VWA3A: variants seen among roughly 807,000 people sequenced by gnomAD.
VWA3A encodes von Willebrand factor A domain-containing protein 3A.
Under a neutral mutation model 160.4 loss-of-function variants are expected in VWA3A, and 134 were observed. That is an observed-to-expected ratio of 0.84 (90% CI 0.73 to 0.96). The LOEUF is 0.96. Among genes scored for constraint, VWA3A ranks in the 40% least tolerant of loss-of-function variants. The pLI, the probability that VWA3A is intolerant of heterozygous loss-of-function variation, is 0.00. For synonymous variants in VWA3A, 476 were observed against 543.4 expected (o/e 0.88, Z 1.72); for missense variants, 1,310 against 1,447.9 (o/e 0.90, Z 1.55).
At chr16:22,116,980 T>C in intron 10 of VWA3A, 113 bp downstream of exon 10, 2 of 1,405,126 alleles carry the variant, frequency 1.4e-6, no homozygotes, top group East Asian at 2.4e-5. Context: ...AGAATGCACC[T>C]GTCCCTGTGC....
rs1349481042 is a variant in VWA3A, at chr16:22,156,584, G to A, written c.*567G>A. The A allele has an allele frequency of 6.6e-6, 1 of 152,334 alleles. No individual in the cohort carries two copies. The highest frequency in any genetic ancestry group is 1.5e-5 in the Non-Finnish European group (1 of 68,164). 9.4% of individuals were successfully genotyped at this position (152,334 alleles called of 1,614,324 possible). On this transcript the variant is annotated 3_prime_UTR_variant, in exon 34 of 34. Transcript: ENST00000389398. ...CAGGATCTGCAGGTCCCCAGAAGCTGCCACATAGGAGACACATGGTGAACA... is the reference window on the plus strand; with the variant it reads ...CAGGATCTGCAGGTCCCCAGAAGCTACCACATAGGAGACACATGGTGAACA...
chr16:22,138,056 A>G (rs1334136506), intron 21 of VWA3A, among the ~76,000 whole-genome samples: 1 of 152,066 alleles, frequency 6.6e-6, no homozygotes, highest in Non-Finnish European at 1.5e-5. Flanking sequence ...TCATCTGTAA[A>G]ATGGGGAGAC....
chr16:22,097,897 T>C (rs1388560335), intron 3 of VWA3A, among the ~76,000 whole-genome samples: 1 of 152,242 alleles, frequency 6.6e-6, no homozygotes, highest in East Asian at 1.9e-4. Context: ...GTTTAGCCTA[T>C]TTGGCCATGT....
chr16:22,128,476 TTGG>T (rs2045891278), intron 17 of VWA3A, among the ~76,000 whole-genome samples: 2 of 152,120 alleles, frequency 1.3e-5, no homozygotes, highest in Non-Finnish European at 2.9e-5. Flanking sequence ...ACTTACACAC[TTGG>T]TGGGAGTGTA....
intron 2 of VWA3A, among the ~76,000 whole-genome samples, 165 bp from the exon 3 acceptor site, chr16:22,097,407 T>C (rs1051638751): frequency 1.3e-5 from 2 of 152,210 alleles, no homozygotes; most frequent in Non-Finnish European, 2.9e-5. Flanking sequence ...CTCATGGAAC[T>C]GGAGTCCACA....
intron 27 of VWA3A, chr16:22,147,548 AG>A: frequency 1.4e-6 from 1 of 702,806 alleles, no homozygotes; most frequent in Non-Finnish European, 2.6e-6. Flanking sequence ...CGTGCCACTC[AG>A]GGTCCTGTGT....
chr16:22,131,503 G>A (rs1845460822), intron 18 of VWA3A, 82 bp from the exon 19 acceptor site: 5 of 1,573,704 alleles, frequency 3.2e-6, no homozygotes, highest in Admixed American at 3.7e-5. Context: ...GTCTGAGATG[G>A]AAAAGGCTCT....
At position 22,115,971 on chromosome 16, in the gene VWA3A, GGA is replaced by G. The variant is rs71769438; in HGVS notation, c.815+517_815+518del. On this transcript the variant is annotated intron_variant, in intron 9 of 33. Transcript: ENST00000389398. ...AGGGGGTGGGGAGGGAGGGAGGGAG[GGA>G]GAGAGAGAGAGAGAGAGGAGAGAGA... Among the ~76,000 whole-genome samples the G allele has an allele frequency of 2.5e-4, 15 of 60,630 alleles. 2 individuals carry two copies. Among genetic ancestry groups the G allele is most frequent in the East Asian group, 1.4e-3 (2 of 1,414 alleles). 39.8% of individuals were successfully genotyped at this position (60,630 alleles called of 152,430 possible). A position where few individuals can be genotyped will look rare whatever the true frequency, so the allele number is the denominator to read the frequency against.
chr16:22,153,239 G>A (rs576967142), intron 31 of VWA3A, among the ~76,000 whole-genome samples: 2 of 152,208 alleles, frequency 1.3e-5, no homozygotes, highest in East Asian at 1.9e-4. Flanking sequence ...CCAGTTACTC[G>A]GGAGGCTGAG....
In VWA3A at chr16:22,138,406, T is replaced by C. The variant is rs747876764; in HGVS notation, c.2186T>C (p.Leu729Pro). ...CTGAAGAACCATTCAGGAAAAGTAC[T>C]GGGAAGTTCAGCCCTCCCGAAAGAA... ...ASLKNHSGKV[L>P]GSSALPKEKP... The change falls in exon 22 of 34, where the codon CTG (leucine) becomes CCG (proline). Residue 729 changes from leucine (L) to proline (P), a missense_variant. Coordinates refer to ENST00000389398, the MANE Select transcript of VWA3A (RefSeq NM_173615.5). The C allele has an allele frequency of 1.4e-5, 22 of 1,610,308 alleles. No individual in the cohort carries two copies. The highest frequency in any genetic ancestry group is 1.8e-5 in the Non-Finnish European group (21 of 1,178,570).
rs750785018 is a variant in VWA3A, at chr16:22,115,334, T to G, written c.690-13T>G. 1.9e-6 allele frequency: 3 copies of G among 1,577,544 alleles called. No individual in the cohort carries two copies. The highest frequency in any genetic ancestry group is 2.6e-6 in the Non-Finnish European group (3 of 1,164,470). On this transcript the variant is annotated splice_polypyrimidine_tract_variant and intron_variant, in intron 8 of 33. Transcript: ENST00000389398. ...AGTCTTATAATTAGGTTGCTGTTGT[T>G]GTCTCCTCCCAGCCTCCAGGAACTT...
chr16:22,127,673 A>G (rs939387160), intron 17 of VWA3A, among the ~76,000 whole-genome samples: 2 of 152,120 alleles, frequency 1.3e-5, no homozygotes, highest in African/African-American at 4.8e-5. Context: ...TTATTTATTT[A>G]TTTACCCATT....
rs774731669 is a variant in VWA3A at position 22,155,583 on chromosome 16, C to A, written c.3422C>A (p.Pro1141Gln). 8.1e-6 allele frequency: 13 copies of A among 1,613,816 alleles called. No individual in the cohort carries two copies. The highest frequency in any genetic ancestry group is 1.1e-5 in the Non-Finnish European group (13 of 1,179,860). ...CTTTTCAAGGATCCCACATTGCCAC[C>A]ATTTGAAGGAGATGATTTAAGGATC... ...FINEKDPTLP[P>Q]FEGDDLRILA... The change falls in exon 32 of 34, where the codon CCA becomes CAA. Residue 1141 changes from proline (P) to glutamine (Q), a missense_variant. Pro to Gln is a moderately conservative substitution (Grantham distance 76). Coordinates refer to ENST00000389398, the MANE Select transcript of VWA3A (RefSeq NM_173615.5).
chr16:22,130,465 G>A (rs2045928527), intron 17 of VWA3A, among the ~76,000 whole-genome samples: 1 of 152,152 alleles, frequency 6.6e-6, no homozygotes, highest in African/African-American at 2.4e-5. Context: ...GGGTGATGAG[G>A]TCAAAGGCCA....
chr16:22,136,218 C>T (rs1159775149), intron 21 of VWA3A, among the ~76,000 whole-genome samples: 1 of 152,170 alleles, frequency 6.6e-6, no homozygotes, highest in African/African-American at 2.4e-5. Context: ...AAGAATTCCC[C>T]GGACTTGCAA....
At chr16:22,098,686 T>C (rs1028010010) in intron 3 of VWA3A, among the ~76,000 whole-genome samples, 3 of 152,152 alleles carry the variant, frequency 2.0e-5, no homozygotes, top group Admixed American at 1.3e-4. Context: ...ATGTGTTTAA[T>C]AGTGTATCTT....
intron 27 of VWA3A, chr16:22,147,716 C>T (rs2046278901): frequency 1.4e-6 from 1 of 699,334 alleles, no homozygotes; most frequent in Non-Finnish European, 2.6e-6. Context: ...GTTCACATTA[C>T]CCCTGGGAAC....
intron 6 of VWA3A, among the ~76,000 whole-genome samples, chr16:22,107,284 T>C (rs958841459): frequency 6.6e-6 from 1 of 152,178 alleles, no homozygotes; most frequent in African/African-American, 2.4e-5. Flanking sequence ...GAGGGGTTGT[T>C]ACCTACATCT....
At chr16:22,141,376 C>A in intron 23 of VWA3A, 1 of 645,644 alleles carries the variant, frequency 1.5e-6, no homozygotes, top group Non-Finnish European at 2.8e-6. Flanking sequence ...AAGATCTGGA[C>A]TCAGTAAATG....
Sources: allele counts gnomAD v4.1 joint callset (sites outside exome capture counted in the v4.1 genomes callset), GRCh38; gene constraint gnomAD v4.1.1; transcripts MANE v1.5; gene names NCBI Gene and HGNC (gene_info 2026-07-23, HGNC 2026-07-21).